The following CACNA1E variants were observed in gnomAD, a reference collection of about 807,000 sequenced individuals.
CACNA1E encodes voltage-dependent R-type calcium channel subunit alpha-1E.
CACNA1E carries 40 observed loss-of-function variants against 259.2 expected under a neutral mutation model. That is an observed-to-expected ratio of 0.15 (90% CI 0.12 to 0.20). CACNA1E has a LOEUF of 0.20. Ranked by LOEUF, CACNA1E falls within the 10% of genes least tolerant of loss-of-function variation. The pLI, the probability that CACNA1E is intolerant of heterozygous loss-of-function variation, is 1.00. For synonymous variants in CACNA1E, 1,104 were observed against 1,138.5 expected, an observed-to-expected ratio of 0.97 and a Z score of 0.61; for missense variants, 1,874 against 3,040.1, an observed-to-expected ratio of 0.62 and a Z score of 9.02.
intron 1 of CACNA1E, among the ~76,000 whole-genome samples, chr1:181,489,333 G>A (rs1664119717): frequency 6.6e-6 from 1 of 152,060 alleles, no homozygotes; most frequent in Admixed American, 6.5e-5. Context: ...CAGCCTTTGT[G>A]AATAATTCAT....
chr1:181,540,941 G>A (rs575653987), intron 3 of CACNA1E, among the ~76,000 whole-genome samples: 6 of 152,274 alleles, frequency 3.9e-5, no homozygotes, highest in Admixed American at 3.3e-4. Flanking sequence ...TTCTTGTAAC[G>A]TGGTATTCAA....
intron 21 of CACNA1E, among the ~76,000 whole-genome samples, chr1:181,735,888 C>A (rs1432724611): frequency 6.6e-6 from 1 of 151,872 alleles, no homozygotes; most frequent in East Asian, 1.9e-4. Context: ...GAGGGTATAC[C>A]CCTCAGTGGG....
intron 6 of CACNA1E, among the ~76,000 whole-genome samples, chr1:181,604,686 C>G (rs1172189007): frequency 6.6e-6 from 1 of 152,202 alleles, no homozygotes; most frequent in Admixed American, 6.5e-5. Context: ...TAGAACTGTG[C>G]TTACTACACA....
At chr1:181,657,507 T>A (rs1230557460) in intron 7 of CACNA1E, among the ~76,000 whole-genome samples, 2 of 152,168 alleles carry the variant, frequency 1.3e-5, no homozygotes, top group Non-Finnish European at 2.9e-5. Context: ...GGGCTGCCAG[T>A]TTTTCATTAG....
Position 181,485,473 on chromosome 1 carries a change from G to A in CACNA1E, c.266+1463G>A, listed in dbSNP as rs1023231487. Among the ~76,000 whole-genome samples, 4 of 152,118 alleles carry A rather than the reference G, an allele frequency of 2.6e-5. 1 individual carries two copies. The highest frequency in any genetic ancestry group is 5.9e-5 in the Non-Finnish European group (4 of 68,008). ...GCAGATATTCTTCCTGCTGCTGTTC[G>A]CATCCTCCCACAGCAACCCCGGCTG... On this transcript the variant is annotated intron_variant, in intron 1 of 47. Coordinates refer to ENST00000367573, the MANE Select transcript of CACNA1E (RefSeq NM_001205293.3). The surrounding 1 kb of genome is among the most constrained non-coding windows in gnomAD (Gnocchi z 4.2).
At chr1:181,615,052 T>G (rs1655085807) in intron 6 of CACNA1E, among the ~76,000 whole-genome samples, 1 of 152,236 alleles carries the variant, frequency 6.6e-6, no homozygotes, top group South Asian at 2.1e-4. Flanking sequence ...ATTGAATCTA[T>G]AGAATATTGG....
chr1:181,722,171 A>G (rs570726649), intron 16 of CACNA1E, among the ~76,000 whole-genome samples: 1 of 152,326 alleles, frequency 6.6e-6, no homozygotes, highest in African/African-American at 2.4e-5. Context: ...AACATTAGAC[A>G]AAGCAGAGAT....
intron 7 of CACNA1E, among the ~76,000 whole-genome samples, chr1:181,657,618 G>A (rs1290824705): frequency 6.6e-6 from 1 of 152,198 alleles, no homozygotes; most frequent in East Asian, 1.9e-4. Flanking sequence ...ACACAAAAGT[G>A]TAGGACGAAA....
chr1:181,514,426 A>G (rs1572071445), intron 3 of CACNA1E, among the ~76,000 whole-genome samples: 1 of 152,204 alleles, frequency 6.6e-6, no homozygotes, highest in African/African-American at 2.4e-5. Flanking sequence ...CCAAGATCAC[A>G]CCTGCCTCTT....
At chr1:181,548,129 CT>C (rs71571282) in intron 3 of CACNA1E, among the ~76,000 whole-genome samples, 5 of 133,402 alleles carry the variant, frequency 3.7e-5, no homozygotes, top group African/African-American at 1.3e-4. Flanking sequence ...CTTTTTTTTT[CT>C]TTTTTTTTTT....
chr1:181,725,902 A>G (rs1246257301), intron 17 of CACNA1E, among the ~76,000 whole-genome samples, 163 bp from the exon 18 acceptor site: 1 of 152,246 alleles, frequency 6.6e-6, no homozygotes, highest in Non-Finnish European at 1.5e-5. Flanking sequence ...TCTGGCCATC[A>G]GAAGTCTCTG....
At chr1:181,660,897 CTTG>C (rs1265910251) in intron 7 of CACNA1E, among the ~76,000 whole-genome samples, 2 of 152,198 alleles carry the variant, frequency 1.3e-5, no homozygotes, top group South Asian at 4.1e-4. Context: ...TTACTAAGTA[CTTG>C]TTGTATGTGA....
At chr1:181,598,444 A>G (rs1653420116) in intron 6 of CACNA1E, among the ~76,000 whole-genome samples, 1 of 152,060 alleles carries the variant, frequency 6.6e-6, no homozygotes, top group African/African-American at 2.4e-5. Context: ...CCAGGGGGAG[A>G]AGGAGATCAG....
chr1:181,540,148 G>A (rs1371672430), intron 3 of CACNA1E, among the ~76,000 whole-genome samples: 2 of 152,060 alleles, frequency 1.3e-5, no homozygotes, highest in African/African-American at 4.8e-5. Flanking sequence ...AAAATCCCCC[G>A]ATGTAAACGC....
chr1:181,443,165 G>T (rs1489555675), intron 2 of CACNA1E, among the ~76,000 whole-genome samples: 1 of 152,132 alleles, frequency 6.6e-6, no homozygotes, highest in Non-Finnish European at 1.5e-5. Flanking sequence ...CAAACTATGG[G>T]AAAAAATCTC....
intron 3 of CACNA1E, among the ~76,000 whole-genome samples, chr1:181,528,311 G>T (rs1301966290): frequency 6.7e-6 from 1 of 149,716 alleles, no homozygotes; most frequent in Non-Finnish European, 1.5e-5. Flanking sequence ...TTCACCTCCT[G>T]CCATTATTCT....
intron 6 of CACNA1E, among the ~76,000 whole-genome samples, chr1:181,620,280 G>T (rs1469110737): frequency 6.6e-6 from 1 of 152,130 alleles, no homozygotes; most frequent in Non-Finnish European, 1.5e-5. Context: ...GCAGCCTTGG[G>T]TGTTGAGTCA....
At chr1:181,705,680 AT>A (rs1354752326) in intron 7 of CACNA1E, among the ~76,000 whole-genome samples, 7 of 152,218 alleles carry the variant, frequency 4.6e-5, no homozygotes, top group African/African-American at 1.7e-4. Flanking sequence ...GGATGACAGA[AT>A]TGGGTAAGGA....
In CACNA1E at chr1:181,717,320, C is replaced by T. The variant is rs763011551; in HGVS notation, c.1525+18C>T. 44 of 1,599,408 alleles carry T rather than the reference C, an allele frequency of 2.8e-5. No individual in the cohort carries two copies. Among genetic ancestry groups the T allele is most frequent in the Non-Finnish European group, 3.6e-5 (42 of 1,167,872 alleles). ...CCTCCTCTGTAAGTAAAGCCTCTCT[C>T]TAAAGCCTCCTCTGCTGGTCCCCAT... On this transcript the variant is annotated intron_variant, in intron 11 of 47. Transcript: ENST00000367573.
Sources: allele counts gnomAD v4.1 joint callset (sites outside exome capture counted in the v4.1 genomes callset), GRCh38; gene constraint gnomAD v4.1.1; non-coding constraint Gnocchi (gnomAD v3.1); transcripts MANE v1.5; gene names NCBI Gene and HGNC (gene_info 2026-07-23, HGNC 2026-07-21).